TNKS: variants seen among roughly 807,000 people sequenced by gnomAD.
The protein encoded by TNKS is poly [ADP-ribose] polymerase tankyrase-1.
TNKS carries 72 observed loss-of-function variants against 135.8 expected under a neutral mutation model. The ratio of observed to expected loss-of-function variants is 0.53; its 90% confidence interval spans 0.44 to 0.64. The LOEUF (loss-of-function observed/expected upper bound fraction) is 0.64. Ranked by LOEUF, TNKS falls within the 30% of genes least tolerant of loss-of-function variation. The pLI, the probability that TNKS is intolerant of heterozygous loss-of-function variation, is 0.00. For missense variants in TNKS, 1,769 were observed against 1,674.0 expected, an observed-to-expected ratio of 1.06 and a Z score of -0.99; for synonymous variants, 849 against 649.3, an observed-to-expected ratio of 1.31 and a Z score of -4.68.
chr8:9,557,563 T>G (rs1815378080), intron 1 of TNKS: 1 of 152,114 alleles, frequency 6.6e-6, no homozygotes, highest in African/African-American at 2.4e-5. Context: ...GTTTTATACA[T>G]TAGAAACATT....
At chr8:9,761,878 C>G (rs974823010) in intron 21 of TNKS, among the ~76,000 whole-genome samples, 1 of 152,196 alleles carries the variant, frequency 6.6e-6, no homozygotes, top group South Asian at 2.1e-4. Context: ...GTACTTCTGT[C>G]CTTTCCCATG....
At chr8:9,646,607 G>C (rs564293093) in intron 3 of TNKS, among the ~76,000 whole-genome samples, 1 of 152,202 alleles carries the variant, frequency 6.6e-6, no homozygotes, top group African/African-American at 2.4e-5. Context: ...ATGTATTAAG[G>C]TTTATTATCA....
At chr8:9,656,172 G>T (rs78706140) in intron 3 of TNKS, among the ~76,000 whole-genome samples, 1 of 152,156 alleles carries the variant, frequency 6.6e-6, no homozygotes, top group Non-Finnish European at 1.5e-5. Flanking sequence ...ATGAAATGAA[G>T]CGAGAAGAGA....
rs542230147 is a variant in TNKS at position 9,717,641 on chromosome 8, C to G, written c.1750-2733C>G. On this transcript the variant is annotated intron_variant, in intron 11 of 26. Coordinates refer to ENST00000310430, the MANE Select transcript of TNKS (RefSeq NM_003747.3). ...GAGGCATTCACTTACCAACCATTTT[C>G]AAATATCTGTTTATACAAGGCATGG... Among the ~76,000 whole-genome samples, 5 of 152,204 alleles carry G rather than the reference C, an allele frequency of 3.3e-5. No homozygotes were observed. In the South Asian group the frequency reaches 8.3e-4, roughly 25 times the overall value.
At chr8:9,656,163 T>C (rs1388890714) in intron 3 of TNKS, among the ~76,000 whole-genome samples, 1 of 151,908 alleles carries the variant, frequency 6.6e-6, no homozygotes, top group African/African-American at 2.4e-5. Flanking sequence ...CCAAAGTGAA[T>C]GAAATGAAGC....
chr8:9,562,815 C>CT (rs149684739), intron 1 of TNKS, among the ~76,000 whole-genome samples: 49 of 147,128 alleles, frequency 3.3e-4, no homozygotes, highest in Middle Eastern at 3.6e-3. Flanking sequence ...TTCCCTTAGC[C>CT]TTTTTTTTTT....
At chr8:9,600,831 T>A (rs1798988862) in intron 2 of TNKS, among the ~76,000 whole-genome samples, 1 of 152,182 alleles carries the variant, frequency 6.6e-6, no homozygotes, top group Admixed American at 6.5e-5. Flanking sequence ...AACCCTGGAA[T>A]TTTTGAAATA....
chr8:9,635,094 C>G (rs1409052562), intron 3 of TNKS, among the ~76,000 whole-genome samples: 1 of 151,896 alleles, frequency 6.6e-6, no homozygotes, highest in Admixed American at 6.6e-5. Flanking sequence ...GGCGTAAACC[C>G]GGGAGGCGGA....
chr8:9,602,089 T>C (rs1244763573), intron 2 of TNKS, among the ~76,000 whole-genome samples: 1 of 151,956 alleles, frequency 6.6e-6, no homozygotes, highest in Non-Finnish European at 1.5e-5. Flanking sequence ...GGAGTGTTAA[T>C]GGCATCCAGT....
rs765625467 is a variant in TNKS, at chr8:9,751,734, C to G, written c.2958C>G (p.Leu986=). ...LISPASTPSC[L]SAASSIDNLT... is the part of the protein sequence containing the mutation. ...CACCAGCATCCACCCCCTCCTGCCT[C>G]TCGGCTGCCAGCAGCATAGACAACC... The change falls in exon 19 of 27, where the codon CTC becomes CTG. Residue 986 remains leucine (L), a synonymous_variant. Coordinates refer to ENST00000310430, the MANE Select transcript of TNKS (RefSeq NM_003747.3). 25 of 1,614,204 alleles carry G rather than the reference C, an allele frequency of 1.5e-5. No homozygotes were observed. The highest frequency in any genetic ancestry group is 2.2e-5 in the East Asian group (1 of 44,882).
At chr8:9,586,225 T>G (rs1798374223) in intron 2 of TNKS, among the ~76,000 whole-genome samples, 1 of 152,172 alleles carries the variant, frequency 6.6e-6, no homozygotes, top group Admixed American at 6.5e-5. Context: ...CTGATGGTAT[T>G]TTTCTAAAAA....
At chr8:9,659,324 C>T (rs1801581935) in intron 3 of TNKS, among the ~76,000 whole-genome samples, 1 of 152,170 alleles carries the variant, frequency 6.6e-6, no homozygotes, top group Non-Finnish European at 1.5e-5. Context: ...AAATTGACCA[C>T]ATAGTTGGAA....
intron 24 of TNKS, 111 bp downstream of exon 24, chr8:9,765,908 G>C (rs1489934092): frequency 1.2e-6 from 1 of 863,692 alleles, no homozygotes; most frequent in Non-Finnish European, 1.8e-6. Flanking sequence ...AAAACGGCTT[G>C]TTTTGATTAT....
chr8:9,762,392 T>C (rs544938857), intron 21 of TNKS, among the ~76,000 whole-genome samples: 1 of 152,334 alleles, frequency 6.6e-6, no homozygotes, highest in East Asian at 1.9e-4. Flanking sequence ...CTAACAAAGA[T>C]AATGTGTTTT....
intron 2 of TNKS, among the ~76,000 whole-genome samples, chr8:9,594,237 T>C (rs1187266346): frequency 6.6e-6 from 1 of 152,248 alleles, no homozygotes; most frequent in Admixed American, 6.5e-5. Flanking sequence ...ACTTTCTGGG[T>C]TTTTTCTTAA....
intron 2 of TNKS, among the ~76,000 whole-genome samples, chr8:9,602,988 C>T (rs1047114666): frequency 6.6e-6 from 1 of 152,076 alleles, no homozygotes; most frequent in Non-Finnish European, 1.5e-5. Flanking sequence ...TTTACATACA[C>T]AAGGTGTCCT....
chr8:9,577,904 A>G (rs1280107085), intron 1 of TNKS, among the ~76,000 whole-genome samples: 2 of 152,240 alleles, frequency 1.3e-5, no homozygotes, highest in African/African-American at 2.4e-5. Context: ...TTAGTTAGTT[A>G]CAAGATACAG....
At chr8:9,567,574 C>G (rs1043110368) in intron 1 of TNKS, among the ~76,000 whole-genome samples, 1 of 152,190 alleles carries the variant, frequency 6.6e-6, no homozygotes, top group Non-Finnish European at 1.5e-5. Context: ...CGCCACCACG[C>G]CCGGCTAATT....
At chr8:9,570,746 C>A (rs182373566) in intron 1 of TNKS, among the ~76,000 whole-genome samples, 223 of 152,286 alleles carry the variant, frequency 1.5e-3, no homozygotes, top group African/African-American at 5.2e-3. Flanking sequence ...TGTGACCACA[C>A]ATTGAGGTGC....
Sources: allele counts gnomAD v4.1 joint callset (sites outside exome capture counted in the v4.1 genomes callset), GRCh38; gene constraint gnomAD v4.1.1; transcripts MANE v1.5; gene names NCBI Gene and HGNC (gene_info 2026-07-23, HGNC 2026-07-21).